Variants in XKR6 observed in about 807,000 individuals in gnomAD.
The protein encoded by XKR6 is XK-related protein 6.
In XKR6, 22 loss-of-function variants were observed where a neutral mutation model predicts 56.7. The ratio of observed to expected loss-of-function variants is 0.39; its 90% CI spans 0.28 to 0.55. The LOEUF is 0.55. Ranked by LOEUF, XKR6 falls within the 20% of genes least tolerant of loss-of-function variation. The probability of loss-of-function intolerance (pLI) is 0.66; values close to 1 mark genes in which losing one functional copy is unlikely to be tolerated. For synonymous variants in XKR6, 524 were observed against 387.8 expected, an observed-to-expected ratio of 1.35 and a Z score of -4.13; for missense variants, 852 against 889.0, an observed-to-expected ratio of 0.96 and a Z score of 0.53.
intron 1 of XKR6, among the ~76,000 whole-genome samples, chr8:11,171,968 G>A (rs1035527284): frequency 9.2e-5 from 14 of 151,590 alleles, no homozygotes; most frequent in Non-Finnish European, 1.3e-4. Flanking sequence ...CAAAAGAATC[G>A]CTTGAACCCG....
At chr8:11,043,371 G>A (rs1435758492) in intron 1 of XKR6, among the ~76,000 whole-genome samples, 5 of 152,074 alleles carry the variant, frequency 3.3e-5, no homozygotes, top group East Asian at 3.9e-4. Flanking sequence ...CTAGGAAATC[G>A]TCCATCTCCT....
intron 2 of XKR6, among the ~76,000 whole-genome samples, chr8:10,922,404 A>C (rs1231177177): frequency 6.6e-6 from 1 of 152,228 alleles, no homozygotes; most frequent in Admixed American, 6.5e-5. Context: ...TTGCCCTGCC[A>C]GTCGGCAGCA....
intron 1 of XKR6, among the ~76,000 whole-genome samples, chr8:11,047,627 G>T (rs1428940692): frequency 6.6e-6 from 1 of 152,208 alleles, no homozygotes; most frequent in African/African-American, 2.4e-5. Flanking sequence ...GGAAAAGGGG[G>T]CATGAGGAGT....
At chr8:11,179,773 G>C (rs908801603) in intron 1 of XKR6, among the ~76,000 whole-genome samples, 7 of 152,192 alleles carry the variant, frequency 4.6e-5, no homozygotes, top group African/African-American at 1.7e-4. Context: ...AGGAGACAAA[G>C]ATCAATCAAT....
At chr8:11,030,121 C>T (rs1206323378) in intron 1 of XKR6, among the ~76,000 whole-genome samples, 2 of 152,172 alleles carry the variant, frequency 1.3e-5, no homozygotes, top group African/African-American at 4.8e-5. Context: ...TGTCCCAGCT[C>T]ACTCTGCACA....
Position 11,154,072 on chromosome 8 carries a change from C to A in XKR6, c.764+46504G>T, listed in dbSNP as rs1801389168. ...GCCGAGAAGAGACATCTGGCCTTTG[C>A]CCTCGGCTAGTGGGAGGTAATCTGT... On this transcript the variant is annotated intron_variant, in intron 1 of 2. Coordinates refer to ENST00000416569, the MANE Select transcript of XKR6 (RefSeq NM_173683.4). Among the ~76,000 whole-genome samples the A allele has an allele frequency of 2.0e-5, 3 of 152,292 alleles. 1 individual carries two copies. In the South Asian group the frequency reaches 6.2e-4, roughly 32 times the overall value.
At chr8:11,095,582 T>G (rs10108618) in intron 1 of XKR6, among the ~76,000 whole-genome samples, 1 of 152,008 alleles carries the variant, frequency 6.6e-6, no homozygotes, top group Non-Finnish European at 1.5e-5. Context: ...ATTCTCCTAG[T>G]GAACAGATGT....
At chr8:10,904,261 C>G (rs971375017) in intron 2 of XKR6, among the ~76,000 whole-genome samples, 4 of 152,158 alleles carry the variant, frequency 2.6e-5, no homozygotes, top group African/African-American at 9.7e-5. Context: ...GCTGGGAAGT[C>G]TCTGGGCCAG....
intron 1 of XKR6, among the ~76,000 whole-genome samples, chr8:11,177,642 G>A (rs1042164899): frequency 6.6e-6 from 1 of 152,178 alleles, no homozygotes; most frequent in Non-Finnish European, 1.5e-5. Context: ...GGACATACAC[G>A]CAGAGGGAAA....
Position 11,200,648 on chromosome 8 carries a change from T to G in XKR6, c.692A>C (p.Gln231Pro). ...CCACACGGAGAGGCGACACAGGCGC[T>G]GCGCCCCCGGCGTGGGGGAGACCCT... is the stretch of plus-strand genomic sequence containing the variant. ...GVRVSPTPGA[Q>P]RLCRLSVWIW... Residue 231 changes from glutamine (Q) to proline (P), a missense_variant, in exon 1 of 3, where the codon CAG becomes CCG. Around this residue, in one of 4 missense-constraint regions of XKR6, gnomAD observed 417 missense variants for 355.2 expected, o/e 1.17. Coordinates refer to ENST00000416569, the MANE Select transcript of XKR6 (RefSeq NM_173683.4). This position sits in a 1 kb window ranked among gnomAD's most constrained non-coding sequence, Gnocchi z 6.4. 6.4e-7 allele frequency: 1 copy of G among 1,551,678 alleles called. No individual in the cohort carries two copies.
intron 1 of XKR6, among the ~76,000 whole-genome samples, chr8:11,152,317 C>A (rs1455606679): frequency 6.6e-6 from 1 of 152,196 alleles, no homozygotes. Context: ...AGACCCTCAG[C>A]CCTCTGATTC....
intron 2 of XKR6, among the ~76,000 whole-genome samples, chr8:10,908,436 TCTCTGC>T (rs1249903125): frequency 6.6e-6 from 1 of 151,990 alleles, no homozygotes; most frequent in Non-Finnish European, 1.5e-5. Flanking sequence ...CTCCCAGGAA[TCTCTGC>T]CTCCAATGGG....
chr8:10,926,888 C>T (rs903380634), intron 1 of XKR6, among the ~76,000 whole-genome samples: 5 of 152,158 alleles, frequency 3.3e-5, no homozygotes, highest in Non-Finnish European at 7.3e-5. Flanking sequence ...AGTCTCAGAG[C>T]TCACAGTCAC....
chr8:11,122,790 C>G (rs193289478), intron 1 of XKR6, among the ~76,000 whole-genome samples: 6 of 152,182 alleles, frequency 3.9e-5, no homozygotes, highest in African/African-American at 1.2e-4. Context: ...TTGACTCATA[C>G]TATTTAATCT....
chr8:11,190,141 G>C (rs777576098), intron 1 of XKR6, among the ~76,000 whole-genome samples: 1 of 141,812 alleles, frequency 7.1e-6, no homozygotes, highest in Non-Finnish European at 1.5e-5. Context: ...TGGGCAACAA[G>C]AGTGAAACTG....
At chr8:11,081,131 A>T (rs2129169867) in intron 1 of XKR6, among the ~76,000 whole-genome samples, 1 of 152,338 alleles carries the variant, frequency 6.6e-6, no homozygotes, top group South Asian at 2.1e-4. Flanking sequence ...AAATGGCATG[A>T]TTTTGCTAAA....
At chr8:11,114,728 T>TATGC (rs59347652) in intron 1 of XKR6, among the ~76,000 whole-genome samples, 1 of 27,752 alleles carries the variant, frequency 3.6e-5, no homozygotes, top group Non-Finnish European at 6.5e-5. Context: ...AGATCACATA[T>TATGC]GTGTGTGTGT....
At chr8:11,140,426 A>T (rs1800633914) in intron 1 of XKR6, among the ~76,000 whole-genome samples, 1 of 152,250 alleles carries the variant, frequency 6.6e-6, no homozygotes, top group African/African-American at 2.4e-5. Context: ...TGACTTACAG[A>T]GGGAAATATC....
At chr8:11,016,381 G>A (rs1563347594) in intron 1 of XKR6, among the ~76,000 whole-genome samples, 2 of 152,196 alleles carry the variant, frequency 1.3e-5, no homozygotes, top group South Asian at 4.1e-4. Flanking sequence ...TGCGCCGCGG[G>A]GACGCCGGGG....
Sources: allele counts gnomAD v4.1 joint callset (sites outside exome capture counted in the v4.1 genomes callset), GRCh38; gene constraint gnomAD v4.1.1; regional missense constraint gnomAD v4.1.1; non-coding constraint Gnocchi (gnomAD v3.1); transcripts MANE v1.5; gene names NCBI Gene and HGNC (gene_info 2026-07-23, HGNC 2026-07-21).